Variants in CASK observed in about 807,000 individuals in gnomAD.
CASK encodes peripheral plasma membrane protein CASK.
In CASK, 4 loss-of-function variants were observed where a neutral mutation model predicts 82.9. That is an observed-to-expected ratio of 0.05 (90% confidence interval 0.02 to 0.11). The LOEUF (loss-of-function observed/expected upper bound fraction) is 0.11. CASK is among the 10% of genes least tolerant of loss of function. The pLI is 1.00. For synonymous variants in CASK, 259 were observed against 253.5 expected (o/e 1.02, Z -0.20); for missense variants, 358 against 720.9 (o/e 0.50, Z 5.76).
chrX:41,722,900 T>C (rs2068191540), intron 5 of CASK, among the ~76,000 whole-genome samples: 1 of 112,280 alleles, frequency 8.9e-6, no homozygotes. Context: ...ATTAAAACTG[T>C]TTTTTGTTCT....
chrX:41,540,201 G>GT (rs1765634008), intron 22 of CASK, among the ~76,000 whole-genome samples: 1 of 112,145 alleles, frequency 8.9e-6, no homozygotes, highest in Non-Finnish European at 1.9e-5. Context: ...CAAACAGGTG[G>GT]TGGCAGTAGG....
At chrX:41,595,637 A>G (rs1291007639) in intron 12 of CASK, among the ~76,000 whole-genome samples, 3 of 111,389 alleles carry the variant, frequency 2.7e-5, no homozygotes, top group Non-Finnish European at 5.7e-5. Context: ...GAGATCTTAG[A>G]TGTCAACATG....
intron 22 of CASK, among the ~76,000 whole-genome samples, chrX:41,542,267 C>A (rs190260681): frequency 1.9e-4 from 21 of 112,499 alleles, no homozygotes; most frequent in African/African-American, 6.1e-4. Flanking sequence ...CTGATAAGAG[C>A]ACACCTCTAC....
intron 9 of CASK, among the ~76,000 whole-genome samples, chrX:41,629,651 T>C (rs993603430): frequency 1.1e-4 from 12 of 112,013 alleles, no homozygotes; most frequent in African/African-American, 3.9e-4. Flanking sequence ...TGATCTCTTT[T>C]GCAACTACTC....
chrX:41,810,322 G>A (rs2070243880), intron 2 of CASK, among the ~76,000 whole-genome samples: 1 of 111,972 alleles, frequency 8.9e-6, no homozygotes, highest in Non-Finnish European at 1.9e-5. Context: ...AAATGCTAAG[G>A]GCAGCCAGAG....
intron 1 of CASK, among the ~76,000 whole-genome samples, chrX:41,901,501 AAAG>A (rs1286978796): frequency 7.3e-5 from 8 of 109,986 alleles, no homozygotes; most frequent in African/African-American, 9.9e-5. Context: ...AAAAAAAAAA[AAAG>A]AAGAAGAAGT....
intron 2 of CASK, among the ~76,000 whole-genome samples, chrX:41,798,845 A>AT (rs1301227162): frequency 8.9e-6 from 1 of 112,039 alleles, no homozygotes; most frequent in Non-Finnish European, 1.9e-5. Context: ...AAATAAAAAT[A>AT]AAAAGAACTA....
chrX:41,873,785 CTTTTTTTTTTT>C (rs781735208), intron 1 of CASK, among the ~76,000 whole-genome samples: 1 of 88,601 alleles, frequency 1.1e-5, no homozygotes, highest in South Asian at 5.1e-4. Context: ...TTTGTTGTTC[CTTTTTTTTTTT>C]TTTTTTTTTT....
intron 1 of CASK, among the ~76,000 whole-genome samples, chrX:41,868,869 T>G (rs1241705881): frequency 9.0e-6 from 1 of 111,071 alleles, no homozygotes; most frequent in East Asian, 2.8e-4. Flanking sequence ...TCATTACTTC[T>G]CCCCTAAAAA....
chrX:41,610,350 G>C (rs1306939723), intron 11 of CASK, among the ~76,000 whole-genome samples: 1 of 111,829 alleles, frequency 8.9e-6, no homozygotes, highest in East Asian at 2.8e-4. Flanking sequence ...GTCAGGAAGA[G>C]AGTATGGGTT....
At chrX:41,645,372 A>G (rs1010791249) in intron 8 of CASK, among the ~76,000 whole-genome samples, 1 of 111,305 alleles carries the variant, frequency 9.0e-6, no homozygotes, top group Non-Finnish European at 1.9e-5. Context: ...TTATGGAAAA[A>G]CTCCCAAACC....
chrX:41,587,459 C>T (rs930962318), intron 13 of CASK: 9 of 113,293 alleles, frequency 7.9e-5, no homozygotes, highest in Admixed American at 1.9e-4. Flanking sequence ...AATTAGACTA[C>T]TTAATTAAGA....
At chrX:41,715,733 C>T (rs939710576) in intron 5 of CASK, among the ~76,000 whole-genome samples, 1 of 111,560 alleles carries the variant, frequency 9.0e-6, no homozygotes, top group South Asian at 3.7e-4. Context: ...AGTGGATAAA[C>T]GGGTACTGCA....
At chrX:41,906,478 A>G (rs2072472005) in intron 1 of CASK, among the ~76,000 whole-genome samples, 1 of 112,152 alleles carries the variant, frequency 8.9e-6, no homozygotes, top group Non-Finnish European at 1.9e-5. Context: ...AGCCTTTAAA[A>G]TGGTTCAAAA....
At chrX:41,826,635 C>T (rs1261749095) in intron 2 of CASK, among the ~76,000 whole-genome samples, 2 of 110,956 alleles carry the variant, frequency 1.8e-5, no homozygotes, top group Non-Finnish European at 3.8e-5. Context: ...CCATGCCTGG[C>T]TAAGTTTTGT....
intron 1 of CASK, among the ~76,000 whole-genome samples, chrX:41,911,775 C>T (rs1042457134): frequency 9.0e-6 from 1 of 111,656 alleles, no homozygotes; most frequent in Non-Finnish European, 1.9e-5. Context: ...GGGAGTTTTT[C>T]ACAACACTAC....
chrX:41,888,731 GTATA>G (rs1236225279), intron 1 of CASK, among the ~76,000 whole-genome samples: 1 of 100,681 alleles, frequency 9.9e-6, no homozygotes, highest in Non-Finnish European at 2.0e-5. Flanking sequence ...GTGAATATAT[GTATA>G]TATATACATA....
intron 14 of CASK, 89 bp downstream of exon 14, chrX:41,586,818 G>T: frequency 1.7e-6 from 1 of 576,772 alleles, no homozygotes. Flanking sequence ...AAATGCATGA[G>T]ATGAAGCTGG....
chrX:41,849,763 T>C (rs758114210), intron 2 of CASK, among the ~76,000 whole-genome samples: 3 of 112,512 alleles, frequency 2.7e-5, no homozygotes, highest in Non-Finnish European at 5.6e-5. Context: ...ATCTCATCTG[T>C]TATGAAATGT....
Sources: allele counts gnomAD v4.1 joint callset (sites outside exome capture counted in the v4.1 genomes callset), GRCh38; gene constraint gnomAD v4.1.1; transcripts MANE v1.5; gene names NCBI Gene and HGNC (gene_info 2026-07-23, HGNC 2026-07-21).